The following DACH2 variants were observed in gnomAD, a reference collection of about 807,000 sequenced individuals.
DACH2 encodes dachshund family transcription factor 2, also known as dachshund homolog 2.
DACH2 carries 17 observed loss-of-function variants against 35.8 expected under a neutral mutation model. The observed-to-expected ratio is 0.48, with a 90% confidence interval of 0.33 to 0.71. DACH2 has a LOEUF of 0.71. Among genes scored for constraint, DACH2 ranks in the 30% least tolerant of loss-of-function variants. The pLI, the probability that DACH2 is intolerant of heterozygous loss-of-function variation, is 0.02. For missense variants in DACH2, 469 were observed against 472.7 expected (o/e 0.99, Z 0.07); for synonymous variants, 195 against 177.3 (o/e 1.10, Z -0.79).
chrX:86,705,029 T>TATATATATATATATCTCAC (rs1569470554), intron 5 of DACH2, among the ~76,000 whole-genome samples: 3 of 83,675 alleles, frequency 3.6e-5, no homozygotes, highest in Middle Eastern at 6.1e-3. Flanking sequence ...CAGAAATTGT[T>TATATATATATATATCTCAC]ATATATATAT....
chrX:86,444,071 G>A (rs1261544517), intron 2 of DACH2, among the ~76,000 whole-genome samples: 1 of 110,923 alleles, frequency 9.0e-6, no homozygotes, highest in Non-Finnish European at 1.9e-5. Flanking sequence ...GATAGAATTG[G>A]TAGTAGCTGT....
intron 2 of DACH2, among the ~76,000 whole-genome samples, chrX:86,504,855 G>A (rs114515546): frequency 0.034 from 3,742 of 111,476 alleles, 175 homozygotes; most frequent in African/African-American, 0.12. Flanking sequence ...AAGAGGTGTG[G>A]GGCAAAGATT....
intron 1 of DACH2, among the ~76,000 whole-genome samples, chrX:86,347,203 C>T (rs1269950242): frequency 2.7e-5 from 3 of 112,190 alleles, no homozygotes; most frequent in Non-Finnish European, 5.6e-5. Flanking sequence ...GAAAAACCAT[C>T]AATATTCAAA....
intron 1 of DACH2, among the ~76,000 whole-genome samples, chrX:86,260,641 G>A (rs1408860433): frequency 8.0e-5 from 9 of 111,988 alleles, no homozygotes; most frequent in African/African-American, 9.7e-5. Flanking sequence ...TTAATTCCAA[G>A]TCCTTTTACA....
At chrX:86,342,917 G>GA (rs1323113064) in intron 1 of DACH2, among the ~76,000 whole-genome samples, 1 of 111,455 alleles carries the variant, frequency 9.0e-6, no homozygotes, top group Non-Finnish European at 1.9e-5. Context: ...ACTGTCCACC[G>GA]GCAAAAGGAT....
intron 7 of DACH2, among the ~76,000 whole-genome samples, chrX:86,802,528 GAAAAAA>G (rs34700295): frequency 4.0e-4 from 25 of 63,135 alleles, no homozygotes; most frequent in South Asian, 1.5e-3. Context: ...TTTCTTGGTT[GAAAAAA>G]AAAAAAAAAA....
chrX:86,569,025 A>G (rs915432703), intron 3 of DACH2, among the ~76,000 whole-genome samples: 2 of 111,506 alleles, frequency 1.8e-5, no homozygotes, highest in Non-Finnish European at 3.8e-5. Context: ...AAGGTTTTAC[A>G]TAAACACATT....
At chrX:86,317,116 CA>C (rs35386773) in intron 1 of DACH2, among the ~76,000 whole-genome samples, 989 of 66,160 alleles carry the variant, frequency 0.015, 16 homozygotes, top group African/African-American at 0.053. Flanking sequence ...GACTCCATCT[CA>C]AAAAAAAAAA....
At chrX:86,474,154 G>A (rs2037804468) in intron 2 of DACH2, among the ~76,000 whole-genome samples, 1 of 111,891 alleles carries the variant, frequency 8.9e-6, no homozygotes, top group Admixed American at 9.5e-5. Context: ...TTTGCCATTT[G>A]TATATCTGCT....
At chrX:86,170,607 C>A (rs1206104435) in intron 1 of DACH2, among the ~76,000 whole-genome samples, 1 of 112,320 alleles carries the variant, frequency 8.9e-6, no homozygotes, top group Non-Finnish European at 1.9e-5. Context: ...GCAAAGGAGG[C>A]TCACTCCATA....
chrX:86,816,120 CT>C (rs1389643077), intron 11 of DACH2, 21 bp downstream of exon 11: 10 of 1,095,705 alleles, frequency 9.1e-6, no homozygotes, highest in Non-Finnish European at 1.2e-5. Context: ...CTGAAAACTT[CT>C]TTCTTTGACT....
At chrX:86,289,820 A>G (rs1319788829) in intron 1 of DACH2, among the ~76,000 whole-genome samples, 2 of 108,987 alleles carry the variant, frequency 1.8e-5, no homozygotes, top group Non-Finnish European at 3.8e-5. Context: ...CCAGTCTATC[A>G]TTGTTGGACA....
chrX:86,630,403 T>TACAC (rs201540041), intron 3 of DACH2, among the ~76,000 whole-genome samples: 1 of 109,008 alleles, frequency 9.2e-6, no homozygotes, highest in Admixed American at 9.9e-5. Flanking sequence ...CACATATATA[T>TACAC]ACACATATAT....
intron 5 of DACH2, among the ~76,000 whole-genome samples, chrX:86,711,770 G>T (rs960772165): frequency 8.9e-6 from 1 of 112,277 alleles, no homozygotes; most frequent in Non-Finnish European, 1.9e-5. Flanking sequence ...GACAGCTATT[G>T]CAGGTCATGA....
intron 5 of DACH2, among the ~76,000 whole-genome samples, chrX:86,707,912 T>TAAAAAAAAAAAAAAAAAAAAAGAA (rs56293403): frequency 2.9e-5 from 1 of 34,579 alleles, no homozygotes; most frequent in African/African-American, 1.9e-4. Context: ...AGACTCCATC[T>TAAAAAAAAAAAAAAAAAAAAAGAA]AAAAAAAAAA....
At chrX:86,546,494 TTC>T (rs1267397242) in intron 3 of DACH2, among the ~76,000 whole-genome samples, 1 of 76,839 alleles carries the variant, frequency 1.3e-5, no homozygotes, top group African/African-American at 5.7e-5. Context: ...CCTCTTCTTC[TTC>T]TTCTTTCTTT....
At chrX:86,737,271 C>A (rs1439757575) in intron 6 of DACH2, among the ~76,000 whole-genome samples, 3 of 110,884 alleles carry the variant, frequency 2.7e-5, no homozygotes, top group African/African-American at 6.5e-5. Context: ...TTTTTCCGTG[C>A]AGACATTATG....
In DACH2 at chrX:86,504,432, A is replaced by G. The variant is rs1602589219; in HGVS notation, c.528-9847A>G. On this transcript the variant is annotated intron_variant, in intron 2 of 11. Coordinates refer to ENST00000373125, the MANE Select transcript of DACH2 (RefSeq NM_053281.3). ...ACTTGTGATATTTGAATCTACCCAA[A>G]TTTACCTGACTTCAAGTTCAAAGTG... Among the ~76,000 whole-genome samples the G allele has an allele frequency of 2.7e-5, 3 of 110,644 alleles. 1 individual carries two copies. In the East Asian group the frequency reaches 8.4e-4, roughly 31 times the overall value.
chrX:86,322,676 G>A (rs2035037789), intron 1 of DACH2, among the ~76,000 whole-genome samples: 1 of 112,367 alleles, frequency 8.9e-6, no homozygotes, highest in South Asian at 3.7e-4. Context: ...GAGAGATTAT[G>A]TAACAGTTGC....
Sources: gnomAD v4.1 joint callset for allele counts (sites outside exome capture counted in the v4.1 genomes callset) on GRCh38, gnomAD v4.1.1 for gene constraint, MANE v1.5 for transcripts, NCBI Gene and HGNC (gene_info 2026-07-23, HGNC 2026-07-21) for gene names.